The following TNKS variants were observed in gnomAD, a reference collection of about 807,000 sequenced individuals.
TNKS encodes the protein tankyrase.
A neutral mutation model predicts 135.8 loss-of-function variants in TNKS; 72 were observed. The observed-to-expected ratio is 0.53, with a 90% CI of 0.44 to 0.64. The LOEUF (loss-of-function observed/expected upper bound fraction) is 0.64. TNKS is among the 30% of genes least tolerant of loss of function. The pLI is 0.00. For synonymous variants in TNKS, 849 were observed against 649.3 expected (o/e 1.31, Z -4.68); for missense variants, 1,769 against 1,674.0 (o/e 1.06, Z -0.99).
intron 3 of TNKS, among the ~76,000 whole-genome samples, chr8:9,637,364 G>T (rs1563134015): frequency 6.6e-6 from 1 of 152,050 alleles, no homozygotes; most frequent in Non-Finnish European, 1.5e-5. Context: ...TTTCTTTGTG[G>T]GGAAACATTG....
chr8:9,772,912 GC>G, intron 26 of TNKS, among the ~76,000 whole-genome samples: 1 of 146,260 alleles, frequency 6.8e-6, no homozygotes, highest in Non-Finnish European at 1.5e-5. Flanking sequence ...TAGGGAAGGG[GC>G]AAATGATAAA....
chr8:9,657,147 G>C (rs1214839068), intron 3 of TNKS, among the ~76,000 whole-genome samples: 1 of 136,632 alleles, frequency 7.3e-6, no homozygotes, highest in East Asian at 2.3e-4. Context: ...ACACCTCCCA[G>C]ACGGGGTGGT....
chr8:9,654,889 G>T lies in TNKS; in HGVS notation c.995-25062G>T, dbSNP rs1401881862. Among the ~76,000 whole-genome samples the T allele has an allele frequency of 2.0e-5, 3 of 149,688 alleles. No homozygotes were observed. In the East Asian group the frequency reaches 5.8e-4, roughly 29 times the overall value. ...GGATTCATCTCACTGGGGAGTGCCG[G>T]ACAGTGGGTGCAGGACAGTGGGTGC... On this transcript the variant is annotated intron_variant, in intron 3 of 26. Transcript: ENST00000310430.
At chr8:9,569,000 A>C (rs1471544224) in intron 1 of TNKS, among the ~76,000 whole-genome samples, 2 of 152,240 alleles carry the variant, frequency 1.3e-5, no homozygotes, top group Non-Finnish European at 2.9e-5. Context: ...CAGATATTCC[A>C]AATGTTGACA....
intron 3 of TNKS, among the ~76,000 whole-genome samples, chr8:9,628,182 T>G (rs1448633430): frequency 1.3e-5 from 2 of 150,350 alleles, no homozygotes; most frequent in Non-Finnish European, 3.0e-5. Context: ...AAAAAAACAT[T>G]CTTTTGTGTC....
chr8:9,597,064 G>T (rs1162615374), intron 2 of TNKS, among the ~76,000 whole-genome samples: 1 of 152,202 alleles, frequency 6.6e-6, no homozygotes, highest in Non-Finnish European at 1.5e-5. Context: ...ATTGTTCTGG[G>T]ATAATCTTAG....
At position 9,779,971 on chromosome 8, in the gene TNKS, G is replaced by A. The variant is rs1400863626; in HGVS notation, c.*3235G>A. The A allele has an allele frequency of 1.3e-5, 2 of 152,242 alleles. No individual in the cohort carries two copies. Among genetic ancestry groups the A allele is most frequent in the Non-Finnish European group, 2.9e-5 (2 of 68,050 alleles). 9.4% of individuals were successfully genotyped at this position (152,242 alleles called of 1,614,324 possible). A position where few individuals can be genotyped will look rare whatever the true frequency, so the allele number is the denominator to read the frequency against. ...TGAGCTTGATGTTAGTGGCTAGACT[G>A]ATTTCCCTTTGCTCTCAAAATACAA... On this transcript the variant is annotated 3_prime_UTR_variant, in exon 27 of 27. Coordinates refer to ENST00000310430, the MANE Select transcript of TNKS (RefSeq NM_003747.3).
At chr8:9,751,061 G>T (rs539025540) in intron 18 of TNKS, among the ~76,000 whole-genome samples, 2,109 of 134,718 alleles carry the variant, frequency 0.016, 44 homozygotes, top group African/African-American at 0.056. Flanking sequence ...ACCACATTCG[G>T]CGGGTAGGGG....
chr8:9,641,823 A>G (rs1800742457), intron 3 of TNKS, among the ~76,000 whole-genome samples: 1 of 145,966 alleles, frequency 6.9e-6, no homozygotes, highest in Non-Finnish European at 1.5e-5. Context: ...GCCCTACAAT[A>G]TATCTATCTG....
chr8:9,584,202 A>G (rs1297593231), intron 2 of TNKS, among the ~76,000 whole-genome samples: 1 of 150,986 alleles, frequency 6.6e-6, no homozygotes, highest in Non-Finnish European at 1.5e-5. Context: ...GGGAGTCACA[A>G]TGGATATTTG....
intron 11 of TNKS, among the ~76,000 whole-genome samples, chr8:9,712,678 C>T (rs1465451654): frequency 6.6e-6 from 1 of 151,884 alleles, no homozygotes; most frequent in Non-Finnish European, 1.5e-5. Flanking sequence ...TCGCTTGAGC[C>T]CAGGATTTTG....
intron 3 of TNKS, among the ~76,000 whole-genome samples, chr8:9,673,479 C>G (rs573387258): frequency 8.6e-5 from 11 of 127,806 alleles, no homozygotes; most frequent in African/African-American, 2.4e-4. Flanking sequence ...GAGTCTTGCT[C>G]TGTTGCCCAG....
chr8:9,751,248 A>G (rs1200804024), intron 18 of TNKS, among the ~76,000 whole-genome samples: 4 of 152,236 alleles, frequency 2.6e-5, no homozygotes, highest in African/African-American at 9.6e-5. Flanking sequence ...ACCAGATGTT[A>G]ATTGTACATG....
At position 9,766,387 on chromosome 8, in the gene TNKS, C is replaced by T. The variant is rs1807447433; in HGVS notation, c.3702C>T (p.Cys1234=). 3 of 1,613,056 alleles carry T rather than the reference C, an allele frequency of 1.9e-6. No homozygotes were observed. The highest frequency in any genetic ancestry group is 1.7e-5 in the Admixed American group (1 of 59,956). Residue 1234 remains cysteine, a synonymous_variant, in exon 25 of 27, where the codon TGC becomes TGT. Coordinates refer to ENST00000310430, the MANE Select transcript of TNKS (RefSeq NM_003747.3). Reference sequence around the variant, plus strand: ...ATGGAATTGGAGGAGGAACAGGCTGCCCTACACACAAGGACAGGTCATGCT... The same window carrying T: ...ATGGAATTGGAGGAGGAACAGGCTGTCCTACACACAAGGACAGGTCATGCT... ...YVYGIGGGTG[C]PTHKDRSCYI... is the part of the protein sequence containing the mutation.
intron 20 of TNKS, 111 bp downstream of exon 20, chr8:9,752,737 T>TGAGGGA: frequency 1.5e-6 from 1 of 684,606 alleles, no homozygotes; most frequent in Non-Finnish European, 2.3e-6. Context: ...GCAGGATTGC[T>TGAGGGA]TGAGCCCAGG....
At chr8:9,590,148 A>G (rs193254331) in intron 2 of TNKS, among the ~76,000 whole-genome samples, 2 of 152,258 alleles carry the variant, frequency 1.3e-5, no homozygotes, top group Admixed American at 6.5e-5. Flanking sequence ...TTCCAGGTGT[A>G]CTTAAGTAAC....
intron 17 of TNKS, among the ~76,000 whole-genome samples, chr8:9,746,737 AGAGT>A (rs989901631): frequency 5.3e-5 from 8 of 152,094 alleles, no homozygotes; most frequent in African/African-American, 1.7e-4. Flanking sequence ...GAGTGGTGGG[AGAGT>A]GAGTAAGTGA....
intron 1 of TNKS, among the ~76,000 whole-genome samples, chr8:9,567,553 C>G (rs1027179492): frequency 6.6e-6 from 1 of 152,114 alleles, no homozygotes; most frequent in African/African-American, 2.4e-5. Context: ...GTAGCTGGGA[C>G]TACAGGCGCC....
At chr8:9,709,490 G>A (rs977192250) in intron 9 of TNKS, among the ~76,000 whole-genome samples, 3 of 152,072 alleles carry the variant, frequency 2.0e-5, no homozygotes, top group East Asian at 1.9e-4. Flanking sequence ...TCTCTAAACT[G>A]CTTCAGTTCT....
Sources: gnomAD v4.1 joint callset for allele counts (sites outside exome capture counted in the v4.1 genomes callset) on GRCh38, gnomAD v4.1.1 for gene constraint, MANE v1.5 for transcripts, NCBI Gene and HGNC (gene_info 2026-07-23, HGNC 2026-07-21) for gene names.